The following MPP7 variants were observed in gnomAD, a reference collection of about 807,000 sequenced individuals.
MPP7 encodes MAGUK p55 subfamily member 7.
MPP7 carries 60 observed loss-of-function variants against 76.5 expected under a neutral mutation model. That is an observed-to-expected ratio of 0.78 (90% CI 0.64 to 0.97). The LOEUF is 0.97. Ranked by LOEUF, MPP7 falls within the 50% of genes least tolerant of loss-of-function variation. The pLI, the probability that MPP7 is intolerant of heterozygous loss-of-function variation, is 0.00. For synonymous variants in MPP7, 237 were observed against 244.5 expected (o/e 0.97, Z 0.29); for missense variants, 641 against 694.0 (o/e 0.92, Z 0.86).
chr10:28,289,791 T>C (rs552900762), intron 1 of MPP7, among the ~76,000 whole-genome samples: 1 of 152,302 alleles, frequency 6.6e-6, no homozygotes, highest in South Asian at 2.1e-4. Context: ...AATGATTTAC[T>C]TCTTCCCAAA....
chr10:28,092,276 T>C (rs551313101), intron 11 of MPP7, among the ~76,000 whole-genome samples: 5 of 152,250 alleles, frequency 3.3e-5, no homozygotes, highest in African/African-American at 1.2e-4. Flanking sequence ...TTATAAAGGA[T>C]CTAAAACAAG....
At chr10:28,316,365 G>A (rs1834320576) in intron 2 of MPP7, among the ~76,000 whole-genome samples, 3 of 142,636 alleles carry the variant, frequency 2.1e-5, no homozygotes, top group South Asian at 4.5e-4. Context: ...AACCCAGGAG[G>A]CAGAACCTGC....
intron 1 of MPP7, among the ~76,000 whole-genome samples, chr10:28,297,669 A>T (rs1841065140): frequency 6.6e-6 from 1 of 152,268 alleles, no homozygotes; most frequent in African/African-American, 2.4e-5. Flanking sequence ...ATTGCACTCC[A>T]GCCTGGGCAA....
chr10:28,170,538 C>T (rs1243246363), intron 3 of MPP7, among the ~76,000 whole-genome samples: 1 of 151,428 alleles, frequency 6.6e-6, no homozygotes, highest in Non-Finnish European at 1.5e-5. Context: ...CTCATTCTAA[C>T]TTTCTTACCA....
In MPP7 at chr10:28,147,541, T is replaced by C; in HGVS notation, c.257A>G (p.Lys86Arg). 1 of 1,614,104 alleles carries C rather than the reference T, an allele frequency of 6.2e-7. No homozygotes were observed. Among genetic ancestry groups the C allele is most frequent in the Non-Finnish European group, 8.5e-7 (1 of 1,179,950 alleles). The stretch of plus-strand genomic sequence containing the variant: ...CTCTCTGATCTCACTGTTTAATGGC[T>C]TGTTCTGAAGCTCTTCGGCCAGCTG... ...ADDLAEELQNKPLNSEIRELL... is the reference protein window; with the variant it reads ...ADDLAEELQNRPLNSEIRELL... The change falls in exon 5 of 17, where the codon AAG becomes AGG. Residue 86 changes from lysine to arginine, a missense_variant. Lys to Arg is a conservative substitution (Grantham distance 26). Coordinates refer to ENST00000683449, the MANE Select transcript of MPP7 (RefSeq NM_001318170.2).
chr10:28,166,503 G>A (rs750996117), intron 3 of MPP7, among the ~76,000 whole-genome samples: 1 of 149,410 alleles, frequency 6.7e-6, no homozygotes, highest in Non-Finnish European at 1.5e-5. Flanking sequence ...CACCTCCCAG[G>A]TTCAAGTGAT....
At chr10:28,183,733 C>A (rs10826414) in intron 3 of MPP7, among the ~76,000 whole-genome samples, 125,535 of 152,142 alleles carry the variant, frequency 0.83, 52,406 homozygotes, top group African/African-American at 0.89. Flanking sequence ...CTGCAGTGGC[C>A]TATAATCAAT....
At chr10:28,222,129 TTAATA>T (rs1330187407) in intron 2 of MPP7, among the ~76,000 whole-genome samples, 1 of 152,002 alleles carries the variant, frequency 6.6e-6, no homozygotes, top group Non-Finnish European at 1.5e-5. Context: ...AAGACAATTC[TTAATA>T]TATTTGGTCA....
intron 3 of MPP7, among the ~76,000 whole-genome samples, chr10:28,168,454 C>T (rs1836563109): frequency 2.6e-5 from 4 of 152,106 alleles, no homozygotes; most frequent in African/African-American, 9.7e-5. Flanking sequence ...AAGTTCTTAG[C>T]TTTAATGTGG....
intron 6 of MPP7, among the ~76,000 whole-genome samples, chr10:28,128,673 T>A (rs1187118352): frequency 6.6e-6 from 1 of 152,110 alleles, no homozygotes; most frequent in Non-Finnish European, 1.5e-5. Flanking sequence ...CTAAAAGGGG[T>A]TAAGACAAGG....
chr10:28,102,353 T>C (rs1853865092), intron 11 of MPP7, among the ~76,000 whole-genome samples: 1 of 152,162 alleles, frequency 6.6e-6, no homozygotes, highest in Admixed American at 6.5e-5. Flanking sequence ...CATTGCCCAG[T>C]GAGCTTTTTC....
At chr10:28,212,506 C>T (rs1354788489) in intron 2 of MPP7, among the ~76,000 whole-genome samples, 4 of 152,166 alleles carry the variant, frequency 2.6e-5, no homozygotes, top group African/African-American at 9.7e-5. Flanking sequence ...ATGGGGTCAG[C>T]AGGTCACCAG....
intron 2 of MPP7, among the ~76,000 whole-genome samples, chr10:28,321,317 C>A (rs1834367644): frequency 6.6e-6 from 1 of 152,140 alleles, no homozygotes; most frequent in Admixed American, 6.6e-5. Context: ...CTAAATTGTT[C>A]CATGTTAAGT....
chr10:28,245,495 G>T (rs1839404313), intron 1 of MPP7, among the ~76,000 whole-genome samples: 1 of 152,026 alleles, frequency 6.6e-6, no homozygotes, highest in Non-Finnish European at 1.5e-5. Context: ...AACAATGAGA[G>T]CACAGATTTT....
rs370435657 is a variant in MPP7 at position 28,256,697 on chromosome 10, A to C, written c.-131-17962T>G. On this transcript the variant is annotated intron_variant, in intron 1 of 16. Coordinates refer to ENST00000683449, the MANE Select transcript of MPP7 (RefSeq NM_001318170.2). ...AAGTCTTACGTATATAACTAAGAACAGAAAAATCATACATTCTATTAATTT... is the reference window on the plus strand; with the variant it reads ...AAGTCTTACGTATATAACTAAGAACCGAAAAATCATACATTCTATTAATTT... Among the ~76,000 whole-genome samples, 3 of 152,260 alleles carry C rather than the reference A, an allele frequency of 2.0e-5. No homozygotes were observed. The East Asian group carries it at 5.8e-4, about 29-fold the overall frequency.
Position 28,202,148 on chromosome 10 carries a change from T to G in MPP7, c.156+5A>C. 2 of 1,592,264 alleles carry G rather than the reference T, an allele frequency of 1.3e-6. No individual in the cohort carries two copies. Among genetic ancestry groups the G allele is most frequent in the Non-Finnish European group, 1.7e-6 (2 of 1,160,656 alleles). On this transcript the variant is annotated splice_donor_5th_base_variant and intron_variant, in intron 3 of 16. Coordinates refer to ENST00000683449, the MANE Select transcript of MPP7 (RefSeq NM_001318170.2). ...CAAAGAGAATCTGACATCAGCATGG[T>G]TTACCTTTACCAATGAATGCAGGCT...
intron 2 of MPP7, among the ~76,000 whole-genome samples, chr10:28,315,670 T>C (rs1260369558): frequency 6.6e-6 from 1 of 152,322 alleles, no homozygotes; most frequent in Non-Finnish European, 1.5e-5. Context: ...AAATCACCCA[T>C]GCAGAAGAAT....
chr10:28,136,766 T>C lies in MPP7; in HGVS notation c.316-5075A>G, dbSNP rs1835366405. 2.0e-5 allele frequency among the ~76,000 whole-genome samples: 3 copies of C among 152,094 alleles called. No homozygotes were observed. In the South Asian group the frequency reaches 6.2e-4, roughly 32 times the overall value. ...GATACTGCAGAAGGAAAAGTAATAC[T>C]GTAGAATAAGCAACATGAGCTGTCC... On this transcript the variant is annotated intron_variant, in intron 5 of 16. Coordinates refer to ENST00000683449, the MANE Select transcript of MPP7 (RefSeq NM_001318170.2).
At chr10:28,213,896 T>C (rs1460857992) in intron 2 of MPP7, among the ~76,000 whole-genome samples, 2 of 151,762 alleles carry the variant, frequency 1.3e-5, no homozygotes, top group Non-Finnish European at 2.9e-5. Context: ...TAAATTGGTA[T>C]ACATTGTTGG....
Sources: gnomAD v4.1 joint callset for allele counts (sites outside exome capture counted in the v4.1 genomes callset) on GRCh38, gnomAD v4.1.1 for gene constraint, MANE v1.5 for transcripts, NCBI Gene and HGNC (gene_info 2026-07-23, HGNC 2026-07-21) for gene names.